RANBP17: variants seen among roughly 807,000 people sequenced by gnomAD.
The protein encoded by RANBP17 is ran-binding protein 17.
A neutral mutation model predicts 141.2 loss-of-function variants in RANBP17; 158 were observed. That is an observed-to-expected ratio of 1.12 (90% CI 0.98 to 1.28). The LOEUF is 1.28. Among genes scored for constraint, RANBP17 ranks in the 50% most tolerant of loss-of-function variants. RANBP17 has a pLI of 0.00. For synonymous variants in RANBP17, 430 were observed against 450.0 expected (o/e 0.96, Z 0.56); for missense variants, 1,438 against 1,290.7 (o/e 1.11, Z -1.75).
intron 13 of RANBP17, among the ~76,000 whole-genome samples, chr5:170,966,856 C>CA (rs1320172963): frequency 2.0e-5 from 3 of 152,024 alleles, no homozygotes; most frequent in Non-Finnish European, 4.4e-5. Context: ...TCTCAGGATA[C>CA]AAAATCAATG....
At chr5:171,218,318 T>A (rs1763347698) in intron 21 of RANBP17, among the ~76,000 whole-genome samples, 1 of 152,218 alleles carries the variant, frequency 6.6e-6, no homozygotes, top group South Asian at 2.1e-4. Flanking sequence ...AATTATGTGG[T>A]CGATTTTAGA....
rs938716431 is a variant in RANBP17, at chr5:170,862,586, G to A, written c.18+535G>A. Among the ~76,000 whole-genome samples the A allele has an allele frequency of 5.3e-5, 8 of 152,204 alleles. No individual in the cohort carries two copies. The South Asian group carries it at 6.2e-4, about 12-fold the overall frequency. On this transcript the variant is annotated intron_variant, in intron 1 of 27. Transcript: ENST00000523189. Reference sequence around the variant, plus strand: ...GCGGTTGGACTTTAATTGGCCAGAGGAGACAGGGGCTGCGTCTGGGGGGAG... The same window carrying A: ...GCGGTTGGACTTTAATTGGCCAGAGAAGACAGGGGCTGCGTCTGGGGGGAG...
intron 14 of RANBP17, among the ~76,000 whole-genome samples, chr5:171,083,033 G>A (rs922222503): frequency 2.6e-5 from 4 of 152,110 alleles, no homozygotes; most frequent in Admixed American, 2.0e-4. Flanking sequence ...ATGAAAGACG[G>A]CTTTTCAGAA....
rs1242245418 is a variant in RANBP17 at position 170,955,648 on chromosome 5, G to GTGTATATATA, written c.1574+1947_1574+1948insGTATATATAT. Among the ~76,000 whole-genome samples, 22 of 21,768 alleles carry GTGTATATATA rather than the reference G, an allele frequency of 1.0e-3. 1 individual carries two copies. The highest frequency in any genetic ancestry group is 3.3e-3 in the East Asian group (2 of 604). The allele number at this position is 21,768 out of a possible 152,430, so 14.3% of individuals were successfully genotyped here. On this transcript the variant is annotated intron_variant, in intron 13 of 27. Coordinates refer to ENST00000523189, the MANE Select transcript of RANBP17 (RefSeq NM_022897.5). ...ATATATATATATATATATGCTCAGT[G>GTGTATATATA]TATATATATATATATATATATATAT...
At chr5:171,161,166 T>C (rs1759321875) in intron 14 of RANBP17, among the ~76,000 whole-genome samples, 2 of 152,206 alleles carry the variant, frequency 1.3e-5, no homozygotes, top group South Asian at 2.1e-4. Context: ...TAGTAACTGG[T>C]TTCTGGAATT....
intron 3 of RANBP17, among the ~76,000 whole-genome samples, chr5:170,882,613 A>G (rs904580690): frequency 6.6e-6 from 1 of 152,170 alleles, no homozygotes; most frequent in Non-Finnish European, 1.5e-5. Context: ...GCTTTTAGTC[A>G]TTATCTTAAC....
At chr5:171,252,140 A>G in intron 24 of RANBP17, 1 of 1,592,802 alleles carries the variant, frequency 6.3e-7, no homozygotes, top group Non-Finnish European at 8.6e-7. Flanking sequence ...TCACAAGATT[A>G]CAGAAAGAAG....
intron 22 of RANBP17, among the ~76,000 whole-genome samples, chr5:171,238,129 G>T (rs563045644): frequency 6.6e-6 from 1 of 152,250 alleles, no homozygotes; most frequent in East Asian, 1.9e-4. Context: ...TCATCATTCT[G>T]TTGCAAGGTC....
intron 12 of RANBP17, among the ~76,000 whole-genome samples, chr5:170,932,276 G>A (rs1375290159): frequency 1.3e-5 from 2 of 152,230 alleles, no homozygotes; most frequent in African/African-American, 2.4e-5. Flanking sequence ...AGACTTTGCT[G>A]AAGTTGCTTA....
intron 25 of RANBP17, among the ~76,000 whole-genome samples, chr5:171,274,683 C>T (rs1038395849): frequency 2.6e-5 from 4 of 152,126 alleles, no homozygotes; most frequent in Admixed American, 6.5e-5. Flanking sequence ...CCAGCACCTA[C>T]CAGAGCCTGA....
At chr5:170,924,692 C>G (rs754267822) in intron 12 of RANBP17, 142 bp downstream of exon 12, 8 of 534,876 alleles carry the variant, frequency 1.5e-5, no homozygotes, top group Admixed American at 3.3e-5. Context: ...TTTTATTAAC[C>G]TCCTGGGTAT....
chr5:171,212,454 A>G (rs994736757), intron 20 of RANBP17, among the ~76,000 whole-genome samples: 2 of 152,204 alleles, frequency 1.3e-5, no homozygotes, highest in Non-Finnish European at 2.9e-5. Flanking sequence ...GGGAATGGAG[A>G]TAAGAGCTGG....
At chr5:170,890,864 A>G (rs1422153) in intron 3 of RANBP17, among the ~76,000 whole-genome samples, 91,453 of 152,046 alleles carry the variant, frequency 0.6, 29,204 homozygotes, top group South Asian at 0.89. Flanking sequence ...TTATCATATT[A>G]TACTGTTTAT....
intron 14 of RANBP17, among the ~76,000 whole-genome samples, chr5:171,063,128 G>A (rs1784023314): frequency 1.3e-5 from 2 of 152,130 alleles, no homozygotes; most frequent in Admixed American, 1.3e-4. Context: ...GCTCGGAGTA[G>A]TTTGATCGTC....
At chr5:170,943,309 A>G (rs1439457931) in intron 12 of RANBP17, among the ~76,000 whole-genome samples, 2 of 152,066 alleles carry the variant, frequency 1.3e-5, no homozygotes, top group East Asian at 3.8e-4. Flanking sequence ...AAATAAGTTT[A>G]TTATTATATT....
At chr5:171,164,611 A>G (rs1429156083) in intron 14 of RANBP17, among the ~76,000 whole-genome samples, 4 of 152,208 alleles carry the variant, frequency 2.6e-5, no homozygotes, top group Admixed American at 1.3e-4. Flanking sequence ...TAAAATAAAT[A>G]CGGCTAAGAA....
intron 4 of RANBP17, among the ~76,000 whole-genome samples, chr5:170,895,796 G>A (rs1290351313): frequency 6.6e-6 from 1 of 152,160 alleles, no homozygotes; most frequent in Non-Finnish European, 1.5e-5. Context: ...TGAGTATCAT[G>A]CATTTATAAG....
rs368075986 is a variant in RANBP17 at position 170,910,845 on chromosome 5, A to G, written c.595-124A>G. On this transcript the variant is annotated intron_variant, in intron 6 of 27. Coordinates refer to ENST00000523189, the MANE Select transcript of RANBP17 (RefSeq NM_022897.5). ...GTAACATTACTTCCTTATATATGGA[A>G]CAGTATAACTTTGTAAACTCCTTTA... The G allele has an allele frequency of 6.6e-4, 601 of 905,796 alleles. 6 individuals carry two copies. The South Asian group carries it at 0.01, about 16-fold the overall frequency. The allele number at this position is 905,796 out of a possible 1,614,324, so 56.1% of individuals were successfully genotyped here. A position where few individuals can be genotyped will look rare whatever the true frequency, so the allele number is the denominator to read the frequency against.
chr5:171,128,924 T>C (rs1417527597), intron 14 of RANBP17, among the ~76,000 whole-genome samples: 2 of 152,184 alleles, frequency 1.3e-5, no homozygotes, highest in African/African-American at 4.8e-5. Context: ...ATTCTTTCAA[T>C]AGATATTAAT....
Sources: gnomAD v4.1 joint callset for allele counts (sites outside exome capture counted in the v4.1 genomes callset) on GRCh38, gnomAD v4.1.1 for gene constraint, MANE v1.5 for transcripts, NCBI Gene and HGNC (gene_info 2026-07-23, HGNC 2026-07-21) for gene names.